Variants in NRXN3 observed in about 807,000 individuals in gnomAD.
NRXN3 encodes the protein neurexin III.
A neutral mutation model predicts 137.6 loss-of-function variants in NRXN3; 32 were observed. The ratio of observed to expected loss-of-function variants is 0.23; its 90% confidence interval spans 0.18 to 0.31. The LOEUF (loss-of-function observed/expected upper bound fraction) is 0.31, where lower values mean the gene tolerates loss of function less well. Among genes scored for constraint, NRXN3 ranks in the 10% least tolerant of loss-of-function variants. The probability of loss-of-function intolerance (pLI) is 1.00; values close to 1 mark genes in which losing one functional copy is unlikely to be tolerated. For missense variants in NRXN3, 1,574 were observed against 2,062.5 expected, an observed-to-expected ratio of 0.76 and a Z score of 4.59; for synonymous variants, 798 against 784.5, an observed-to-expected ratio of 1.02 and a Z score of -0.29.
rs1277344326 is a variant in NRXN3 at position 79,867,215 on chromosome 14, A to AG, written c.*5252dup. ...TCTTTCATAAACCTGTCTCTAGAGAAGCAAGTCATTTTCTACTTTTTCCAG... is the reference window on the plus strand; with the variant it reads ...TCTTTCATAAACCTGTCTCTAGAGAAGGCAAGTCATTTTCTACTTTTTCCAG... On this transcript the variant is annotated 3_prime_UTR_variant, in exon 21 of 21. Coordinates refer to ENST00000335750, the MANE Select transcript of NRXN3 (RefSeq NM_001330195.2). The AG allele has an allele frequency of 6.6e-6, 1 of 152,198 alleles. No homozygotes were observed. Among genetic ancestry groups the AG allele is most frequent in the African/African-American group, 2.4e-5 (1 of 41,452 alleles). 9.4% of individuals were successfully genotyped at this position (152,198 alleles called of 1,614,324 possible).
chr14:78,712,157 T>C (rs1030559131), intron 7 of NRXN3, among the ~76,000 whole-genome samples: 2 of 152,236 alleles, frequency 1.3e-5, no homozygotes, highest in Non-Finnish European at 2.9e-5. Flanking sequence ...GTATTGTCTT[T>C]ACTTGGCAAT....
intron 16 of NRXN3, among the ~76,000 whole-genome samples, chr14:79,602,131 A>G (rs2097932296): frequency 6.6e-6 from 1 of 152,242 alleles, no homozygotes; most frequent in African/African-American, 2.4e-5. Flanking sequence ...GCCTCTGCAT[A>G]TAAAGGAGAA....
At chr14:79,109,486 T>C (rs901871030) in intron 15 of NRXN3, among the ~76,000 whole-genome samples, 4 of 152,310 alleles carry the variant, frequency 2.6e-5, no homozygotes, top group Admixed American at 6.5e-5. Context: ...TAACTCAGTA[T>C]GACAATATTG....
Position 79,091,850 on chromosome 14 carries a change from C to CA in NRXN3, c.3262+103719dup, listed in dbSNP as rs1010664596. On this transcript the variant is annotated intron_variant, in intron 15 of 20. Transcript: ENST00000335750. Reference sequence around the variant, plus strand: ...ACTGTTTGTTCCAGTGCTCTGGGGACAAAAAAAAAATCCATGTTAATCTTT... The same window carrying CA: ...ACTGTTTGTTCCAGTGCTCTGGGGACAAAAAAAAAAATCCATGTTAATCTTT... Among the ~76,000 whole-genome samples, 340 of 145,520 alleles carry CA rather than the reference C, an allele frequency of 2.3e-3. 1 individual carries two copies. The highest frequency in any genetic ancestry group is 7.4e-3 in the East Asian group (37 of 4,982).
chr14:79,050,004 A>G (rs1231633678), intron 15 of NRXN3, among the ~76,000 whole-genome samples: 1 of 152,186 alleles, frequency 6.6e-6, no homozygotes, highest in African/African-American at 2.4e-5. Context: ...TTATCTAGAA[A>G]ACTGAGAAAC....
chr14:79,175,105 C>T (rs2062188543), intron 15 of NRXN3, among the ~76,000 whole-genome samples: 1 of 151,672 alleles, frequency 6.6e-6, no homozygotes. Flanking sequence ...CTCAGCCTCC[C>T]GAGTAGCTGG....
intron 20 of NRXN3, among the ~76,000 whole-genome samples, chr14:79,835,501 A>T (rs1166129679): frequency 6.6e-6 from 1 of 152,110 alleles, no homozygotes; most frequent in Non-Finnish European, 1.5e-5. Context: ...ATAATTCAGC[A>T]TCTCATGATT....
chr14:79,425,510 A>C (rs1300083523), intron 15 of NRXN3, among the ~76,000 whole-genome samples: 1 of 152,192 alleles, frequency 6.6e-6, no homozygotes, highest in Non-Finnish European at 1.5e-5. Flanking sequence ...TATAATAAGA[A>C]TCAGCTGTTC....
At chr14:79,018,526 C>A (rs78978758) in intron 15 of NRXN3, among the ~76,000 whole-genome samples, 1 of 152,026 alleles carries the variant, frequency 6.6e-6, no homozygotes, top group Admixed American at 6.5e-5. Context: ...CCATTATGAT[C>A]TTTTTATTCT....
chr14:79,380,107 C>G lies in NRXN3; in HGVS notation c.3263-87114C>G, dbSNP rs147950428. On this transcript the variant is annotated intron_variant, in intron 15 of 20. Coordinates refer to ENST00000335750, the MANE Select transcript of NRXN3 (RefSeq NM_001330195.2). ...TGTGAAGCATCCTGAAGGGAAACAC[C>G]GGTGCACTGGGCAGGGAACAGGAGA... Among the ~76,000 whole-genome samples, 995 of 149,952 alleles carry G rather than the reference C, an allele frequency of 6.6e-3. 5 individuals are homozygous for G. Among genetic ancestry groups the G allele is most frequent in the African/African-American group, 0.023 (947 of 40,800 alleles).
chr14:79,291,725 G>A (rs2083241663), intron 15 of NRXN3, among the ~76,000 whole-genome samples: 2 of 150,350 alleles, frequency 1.3e-5, no homozygotes, highest in South Asian at 4.2e-4. Context: ...ACAGTATACT[G>A]AAAACAGTAC....
At chr14:79,240,671 T>A (rs1426182022) in intron 15 of NRXN3, among the ~76,000 whole-genome samples, 4 of 152,178 alleles carry the variant, frequency 2.6e-5, no homozygotes. Context: ...TTTATGTGCT[T>A]GTCTTTGTGC....
chr14:78,754,322 T>C lies in NRXN3; in HGVS notation c.2044+39183T>C, dbSNP rs145332165. On this transcript the variant is annotated intron_variant, in intron 8 of 20. Coordinates refer to ENST00000335750, the MANE Select transcript of NRXN3 (RefSeq NM_001330195.2). ...CTGTACCAGTTGGCCTCCGTTTCTTTGTTCAGCCCCAGTCCTGGGTACTCC... is the reference window on the plus strand; with the variant it reads ...CTGTACCAGTTGGCCTCCGTTTCTTCGTTCAGCCCCAGTCCTGGGTACTCC... Among the ~76,000 whole-genome samples, 630 of 152,274 alleles carry C rather than the reference T, an allele frequency of 4.1e-3. 3 individuals carry two copies. The highest frequency in any genetic ancestry group is 0.015 in the African/African-American group (603 of 41,566).
chr14:78,379,752 A>C (rs780726939), intron 4 of NRXN3, among the ~76,000 whole-genome samples: 5 of 152,346 alleles, frequency 3.3e-5, no homozygotes, highest in Admixed American at 6.5e-5. Flanking sequence ...AGTTCTAGCC[A>C]GTGAAATAAG....
chr14:79,433,313 G>A (rs150635745), intron 15 of NRXN3, among the ~76,000 whole-genome samples: 1 of 152,180 alleles, frequency 6.6e-6, no homozygotes, highest in Non-Finnish European at 1.5e-5. Context: ...AGGACTGTTG[G>A]GACATCCTGG....
chr14:78,538,180 T>C (rs2096554596), intron 4 of NRXN3, among the ~76,000 whole-genome samples: 1 of 152,338 alleles, frequency 6.6e-6, no homozygotes, highest in Admixed American at 6.5e-5. Context: ...GGGGATGGCA[T>C]TGAATCTATA....
At chr14:79,222,622 T>C (rs1307252525) in intron 15 of NRXN3, among the ~76,000 whole-genome samples, 2 of 152,186 alleles carry the variant, frequency 1.3e-5, no homozygotes, top group East Asian at 3.8e-4. Context: ...AGTGTGGCTG[T>C]ACCATTTTGC....
chr14:78,522,918 A>G (rs2096306719), intron 4 of NRXN3, among the ~76,000 whole-genome samples: 1 of 152,346 alleles, frequency 6.6e-6, no homozygotes, highest in African/African-American at 2.4e-5. Flanking sequence ...GTATTCTTTA[A>G]GACCCTGAAT....
intron 15 of NRXN3, among the ~76,000 whole-genome samples, chr14:79,385,216 C>CA (rs1555414128): frequency 0.011 from 1,366 of 127,096 alleles, 12 homozygotes; most frequent in Middle Eastern, 0.035. Flanking sequence ...CCCCCGCCCC[C>CA]ACCCCACCAC....
Sources: allele counts gnomAD v4.1 joint callset (sites outside exome capture counted in the v4.1 genomes callset), GRCh38; gene constraint gnomAD v4.1.1; transcripts MANE v1.5; gene names NCBI Gene and HGNC (gene_info 2026-07-23, HGNC 2026-07-21).